GABRA4: variants seen among roughly 807,000 people sequenced by gnomAD.
The protein encoded by GABRA4 is gamma-aminobutyric acid receptor subunit alpha-4.
Under a neutral mutation model 49.7 loss-of-function variants are expected in GABRA4, and 12 were observed. The ratio of observed to expected loss-of-function variants is 0.24; its 90% CI spans 0.15 to 0.39. The LOEUF (loss-of-function observed/expected upper bound fraction) is 0.39, where lower values mean the gene tolerates loss of function less well. GABRA4 is among the 10% of genes least tolerant of loss of function. The pLI is 1.00. For synonymous variants in GABRA4, 288 were observed against 240.2 expected, an observed-to-expected ratio of 1.20 and a Z score of -1.84; for missense variants, 506 against 686.0, an observed-to-expected ratio of 0.74 and a Z score of 2.93.
At chr4:46,939,542 G>A (rs1721720770) in intron 8 of GABRA4, among the ~76,000 whole-genome samples, 1 of 151,866 alleles carries the variant, frequency 6.6e-6, no homozygotes, top group South Asian at 2.1e-4. Flanking sequence ...TTCATTATTT[G>A]AATCCCAAAT....
chr4:46,919,594 G>GT lies in GABRA4; in HGVS notation c.*8630dup, dbSNP rs1296071881. On this transcript the variant is annotated 3_prime_UTR_variant, in exon 9 of 9. Coordinates refer to ENST00000264318, the MANE Select transcript of GABRA4 (RefSeq NM_000809.4). The stretch of plus-strand genomic sequence containing the variant: ...ATGATATGAGGAAATATGCATTATT[G>GT]TTTTTTTACTTCTATAATAAGGAAT... 6.6e-6 allele frequency: 1 copy of GT among 151,304 alleles called. No homozygotes were observed. The highest frequency in any genetic ancestry group is 1.5e-5 in the Non-Finnish European group (1 of 67,498). 9.4% of individuals were successfully genotyped at this position (151,304 alleles called of 1,614,324 possible).
chr4:46,987,175 T>A (rs2109406486), intron 2 of GABRA4, among the ~76,000 whole-genome samples: 2 of 152,260 alleles, frequency 1.3e-5, no homozygotes, highest in South Asian at 4.1e-4. Flanking sequence ...CTTACCACAC[T>A]GATCCCCTTT....
intron 2 of GABRA4, among the ~76,000 whole-genome samples, chr4:46,983,558 C>T (rs960370643): frequency 6.6e-5 from 10 of 152,040 alleles, no homozygotes; most frequent in Non-Finnish European, 1.0e-4. Flanking sequence ...AAAATATTCC[C>T]CATTTTAAGA....
rs1393356839 is a variant in GABRA4, at chr4:46,971,169, G to A, written c.788C>T (p.Thr263Ile). Residue 263 changes from threonine (T) to isoleucine (I), a missense_variant, in exon 7 of 9, where the codon ACC becomes ATC. Thr to Ile is a moderately conservative substitution (Grantham distance 89). Coordinates refer to ENST00000264318, the MANE Select transcript of GABRA4 (RefSeq NM_000809.4). ...CACTGTCATAATGCACGGAATATAG[G>A]TCTGAATCATAAAATAACCCATCTT... The part of the protein sequence containing the change: ...RRKMGYFMIQ[T>I]YIPCIMTVIL... 1 of 1,609,104 alleles carries A rather than the reference G, an allele frequency of 6.2e-7. No individual in the cohort carries two copies. Among genetic ancestry groups the A allele is most frequent in the Non-Finnish European group, 8.5e-7 (1 of 1,176,566 alleles).
chr4:46,923,927 C>T lies in GABRA4; in HGVS notation c.*4298G>A, dbSNP rs750377416. ...AACTAAGAATTTGTAGTAAGAGTTC[C>T]CCTTGACTTTCCACATCCTCATCTC... On this transcript the variant is annotated 3_prime_UTR_variant, in exon 9 of 9. Coordinates refer to ENST00000264318, the MANE Select transcript of GABRA4 (RefSeq NM_000809.4). The T allele has an allele frequency of 3.3e-5, 5 of 152,014 alleles. No homozygotes were observed. The highest frequency in any genetic ancestry group is 6.6e-5 in the Admixed American group (1 of 15,240). The allele number at this position is 152,014 out of a possible 1,614,324, so 9.4% of individuals were successfully genotyped here.
intron 8 of GABRA4, among the ~76,000 whole-genome samples, chr4:46,937,515 T>A (rs1721642027): frequency 6.6e-6 from 1 of 152,212 alleles, no homozygotes; most frequent in East Asian, 1.9e-4. Context: ...TCTTCTGTTG[T>A]GCCTTCTTTA....
intron 8 of GABRA4, among the ~76,000 whole-genome samples, chr4:46,942,899 TA>T (rs2109349550): frequency 6.6e-6 from 1 of 152,192 alleles, no homozygotes; most frequent in East Asian, 1.9e-4. Flanking sequence ...ATCAATATCA[TA>T]AAATCAATGT....
intron 2 of GABRA4, among the ~76,000 whole-genome samples, chr4:46,981,313 T>C (rs1405040965): frequency 6.6e-6 from 1 of 152,146 alleles, no homozygotes; most frequent in African/African-American, 2.4e-5. Flanking sequence ...TGTGGGCGTA[T>C]GCTAATTCTT....
intron 8 of GABRA4, among the ~76,000 whole-genome samples, chr4:46,949,380 AT>A (rs1270734631): frequency 6.6e-6 from 1 of 152,016 alleles, no homozygotes; most frequent in African/African-American, 2.4e-5. Flanking sequence ...CATCTTTTAC[AT>A]TTGTTCCCTT....
chr4:46,978,988 T>C (rs768615815), intron 3 of GABRA4, 43 bp downstream of exon 3: 1 of 1,277,086 alleles, frequency 7.8e-7, no homozygotes, highest in African/African-American at 1.5e-5. Flanking sequence ...CTACATGTTT[T>C]CTTCAAGTCT....
chr4:46,967,969 C>G (rs547335530), intron 7 of GABRA4, among the ~76,000 whole-genome samples: 1 of 151,716 alleles, frequency 6.6e-6, no homozygotes, highest in East Asian at 2.0e-4. Flanking sequence ...TAGAGGCATA[C>G]AGCTTTGGAG....
At position 46,919,347 on chromosome 4, in the gene GABRA4, C is replaced by G. The variant is rs1720889867; in HGVS notation, c.*8878G>C. 1 of 151,266 alleles carries G rather than the reference C, an allele frequency of 6.6e-6. No homozygotes were observed. Among genetic ancestry groups the G allele is most frequent in the Non-Finnish European group, 1.5e-5 (1 of 67,472 alleles). The allele number at this position is 151,266 out of a possible 1,614,324, so 9.4% of individuals were successfully genotyped here. On this transcript the variant is annotated 3_prime_UTR_variant, in exon 9 of 9. Coordinates refer to ENST00000264318, the MANE Select transcript of GABRA4 (RefSeq NM_000809.4). ...ACTATGTGCTCCTCACTATAATATA[C>G]CATGATAATATTCCTACATTGAATA...
At chr4:46,940,816 G>A (rs1217997261) in intron 8 of GABRA4, among the ~76,000 whole-genome samples, 1 of 151,858 alleles carries the variant, frequency 6.6e-6, no homozygotes, top group Non-Finnish European at 1.5e-5. Flanking sequence ...TAAGCTCTAA[G>A]CTATCAGCTT....
chr4:46,988,045 T>A (rs115832497), intron 2 of GABRA4, among the ~76,000 whole-genome samples: 1 of 152,244 alleles, frequency 6.6e-6, no homozygotes, highest in African/African-American at 2.4e-5. Flanking sequence ...TACATCACAC[T>A]AACCTATTAT....
At chr4:46,940,154 A>G (rs1721741466) in intron 8 of GABRA4, among the ~76,000 whole-genome samples, 1 of 152,228 alleles carries the variant, frequency 6.6e-6, no homozygotes, top group South Asian at 2.1e-4. Flanking sequence ...TTCTTCTACA[A>G]GAGGAAATCT....
chr4:46,945,753 C>A (rs1298816102), intron 8 of GABRA4, among the ~76,000 whole-genome samples: 4 of 151,998 alleles, frequency 2.6e-5, no homozygotes, highest in Non-Finnish European at 4.4e-5. Context: ...CATATAGCTT[C>A]CACTCTTCTG....
rs556122340 is a variant in GABRA4 at position 46,948,747 on chromosome 4, C to T, written c.1134+16223G>A. On this transcript the variant is annotated intron_variant, in intron 8 of 8. Coordinates refer to ENST00000264318, the MANE Select transcript of GABRA4 (RefSeq NM_000809.4). ...ATTCAGGCCAACAAATATGATGAAA[C>T]GTTAAGGTATCTTTGATGACTGCTT... 4.6e-5 allele frequency among the ~76,000 whole-genome samples: 7 copies of T among 152,014 alleles called. No individual in the cohort carries two copies. The South Asian group carries it at 8.3e-4, about 18-fold the overall frequency.
chr4:46,928,047 A>G lies in GABRA4; in HGVS notation c.*178T>C, dbSNP rs1037141089. 54 of 550,444 alleles carry G rather than the reference A, an allele frequency of 9.8e-5. No individual in the cohort carries two copies. The highest frequency in any genetic ancestry group is 1.4e-4 in the Non-Finnish European group (46 of 328,062). 34.1% of individuals were successfully genotyped at this position (550,444 alleles called of 1,614,324 possible). On this transcript the variant is annotated 3_prime_UTR_variant, in exon 9 of 9. Transcript: ENST00000264318. ...TAAAATAATTTTTCTGAAAAAAAAC[A>G]TAGTTCACTTTTTCACTCAGGAATT...
chr4:46,983,824 A>G (rs919541403), intron 2 of GABRA4, among the ~76,000 whole-genome samples: 1 of 152,090 alleles, frequency 6.6e-6, no homozygotes, highest in Non-Finnish European at 1.5e-5. Flanking sequence ...TGCAACATTA[A>G]AGACATCTTT....
Sources: gnomAD v4.1 joint callset for allele counts (sites outside exome capture counted in the v4.1 genomes callset) on GRCh38, gnomAD v4.1.1 for gene constraint, MANE v1.5 for transcripts, NCBI Gene and HGNC (gene_info 2026-07-23, HGNC 2026-07-21) for gene names.